SLC6A13: variants seen among roughly 807,000 people sequenced by gnomAD.
SLC6A13 encodes the protein solute carrier family 6 member 13, also known as sodium- and chloride-dependent GABA transporter 2.
A neutral mutation model predicts 72.9 loss-of-function variants in SLC6A13; 69 were observed. The observed-to-expected ratio is 0.95, with a 90% CI of 0.78 to 1.16. SLC6A13 has a LOEUF of 1.16. Among genes scored for constraint, SLC6A13 ranks in the 50% most tolerant of loss-of-function variants. SLC6A13 has a pLI of 0.00. For synonymous variants in SLC6A13, 303 were observed against 303.0 expected, an observed-to-expected ratio of 1.00 and a Z score of 0.00; for missense variants, 735 against 760.5, an observed-to-expected ratio of 0.97 and a Z score of 0.39.
At chr12:231,181 T>G (rs532403341) in intron 7 of SLC6A13, among the ~76,000 whole-genome samples, 3 of 152,122 alleles carry the variant, frequency 2.0e-5, no homozygotes, top group Non-Finnish European at 4.4e-5. Flanking sequence ...GCCCTGGGTC[T>G]CCAGTGGCCA....
intron 9 of SLC6A13, among the ~76,000 whole-genome samples, chr12:225,477 C>T (rs184296135): frequency 2.0e-5 from 3 of 152,298 alleles, no homozygotes; most frequent in Admixed American, 6.5e-5. Flanking sequence ...AGGTGAAACC[C>T]TGTCTCTACT....
chr12:255,439 T>C (rs1182499545), intron 2 of SLC6A13, among the ~76,000 whole-genome samples: 1 of 152,182 alleles, frequency 6.6e-6, no homozygotes, highest in African/African-American at 2.4e-5. Flanking sequence ...CTCATGCCTG[T>C]AATCCCAGCA....
chr12:238,031 G>A (rs1942004728), intron 4 of SLC6A13, 21 bp from the exon 5 acceptor site: 3 of 1,608,278 alleles, frequency 1.9e-6, no homozygotes, highest in African/African-American at 1.3e-5. Flanking sequence ...GTCACGAGGA[G>A]GGAAAAAAGA....
intron 9 of SLC6A13, among the ~76,000 whole-genome samples, chr12:225,757 C>A (rs534525132): frequency 2.0e-5 from 3 of 152,066 alleles, no homozygotes; most frequent in Admixed American, 6.5e-5. Flanking sequence ...GTGGCCCAGG[C>A]GTGCTTCTGA....
intron 7 of SLC6A13, among the ~76,000 whole-genome samples, chr12:233,119 T>C (rs746877942): frequency 1.2e-4 from 19 of 152,180 alleles, no homozygotes; most frequent in Non-Finnish European, 2.5e-4. Context: ...GCTTCTTTCA[T>C]AGACATGGAG....
intron 7 of SLC6A13, among the ~76,000 whole-genome samples, chr12:233,522 C>T (rs1336255416): frequency 6.6e-6 from 1 of 152,152 alleles, no homozygotes; most frequent in Non-Finnish European, 1.5e-5. Context: ...GGAAACTTAA[C>T]ACTAGCCCAG....
Position 238,365 on chromosome 12 carries a change from A to G in SLC6A13, c.479-355T>C, listed in dbSNP as rs551456318. 3.8e-6 allele frequency: 5 copies of G among 1,308,404 alleles called. No individual in the cohort carries two copies. In the African/African-American group the frequency reaches 7.5e-5, roughly 20 times the overall value. The allele number at this position is 1,308,404 out of a possible 1,614,324, so 81.0% of individuals were successfully genotyped here. A position where few individuals can be genotyped will look rare whatever the true frequency, so the allele number is the denominator to read the frequency against. On this transcript the variant is annotated intron_variant, in intron 4 of 14. Coordinates refer to ENST00000343164, the MANE Select transcript of SLC6A13 (RefSeq NM_016615.5). ...CCACCTTCGAGGAATAATAAGAGGGAAGTGATGTGTCAGAGTGGCCGAGAG... is the reference window on the plus strand; with the variant it reads ...CCACCTTCGAGGAATAATAAGAGGGGAGTGATGTGTCAGAGTGGCCGAGAG...
intron 8 of SLC6A13, 86 bp from the exon 9 acceptor site, chr12:226,600 C>A: frequency 6.7e-7 from 1 of 1,486,262 alleles, no homozygotes; most frequent in Non-Finnish European, 9.0e-7. Context: ...GGAGCACAGC[C>A]CCTCCTGGCG....
chr12:251,577 G>T (rs527762697), intron 2 of SLC6A13, among the ~76,000 whole-genome samples: 32 of 152,190 alleles, frequency 2.1e-4, no homozygotes, highest in African/African-American at 7.7e-4. Context: ...GATATCAAAA[G>T]TATGGTTTAT....
intron 7 of SLC6A13, among the ~76,000 whole-genome samples, chr12:232,028 A>T (rs1941728464): frequency 6.6e-6 from 1 of 152,208 alleles, no homozygotes; most frequent in Non-Finnish European, 1.5e-5. Flanking sequence ...CTAGGCCTTA[A>T]TGTCCTAATC....
intron 7 of SLC6A13, 31 bp downstream of exon 7, chr12:235,059 C>G (rs748678670): frequency 5.6e-6 from 9 of 1,613,734 alleles, no homozygotes; most frequent in Non-Finnish European, 6.8e-6. Flanking sequence ...CCCTGGGAGT[C>G]ACGTGAGGGC....
chr12:222,526 T>A lies in SLC6A13; in HGVS notation c.1515+6A>T, dbSNP rs372835944. The A allele has an allele frequency of 4.4e-5, 70 of 1,580,240 alleles. No homozygotes were observed. The African/African-American group carries it at 8.7e-4, about 20-fold the overall frequency. Reference sequence around the variant, plus strand: ...TCATCTGACTTTATCCCTGAAATGATCTTACTGTGCACACAGCTGGTGTGA... The same window carrying A: ...TCATCTGACTTTATCCCTGAAATGAACTTACTGTGCACACAGCTGGTGTGA... On this transcript the variant is annotated splice_donor_region_variant and intron_variant, in intron 13 of 14. Transcript: ENST00000343164.
In SLC6A13 at chr12:253,035, T is replaced by C. The variant is rs1310059917; in HGVS notation, c.202+6816A>G. On this transcript the variant is annotated intron_variant, in intron 2 of 14. Coordinates refer to ENST00000343164, the MANE Select transcript of SLC6A13 (RefSeq NM_016615.5). The stretch of plus-strand genomic sequence containing the variant: ...CTCTTCCCCTCCGCAGGTACCACCA[T>C]CAAAAGATGAAGTTAGTCCTGGGGA... Among the ~76,000 whole-genome samples, 6 of 152,140 alleles carry C rather than the reference T, an allele frequency of 3.9e-5. No individual in the cohort carries two copies. The South Asian group carries it at 8.3e-4, about 21-fold the overall frequency.
At chr12:243,452 C>G (rs925014777) in intron 3 of SLC6A13, among the ~76,000 whole-genome samples, 3 of 152,230 alleles carry the variant, frequency 2.0e-5, no homozygotes, top group Non-Finnish European at 4.4e-5. Context: ...GCTTTGCACT[C>G]TACTTACCTA....
At chr12:258,052 G>A (rs1942804441) in intron 2 of SLC6A13, among the ~76,000 whole-genome samples, 1 of 152,196 alleles carries the variant, frequency 6.6e-6, no homozygotes, top group Admixed American at 6.5e-5. Context: ...ATTCTCCAAA[G>A]GGAGGGTACT....
intron 11 of SLC6A13, chr12:223,674 T>C: frequency 2.7e-6 from 1 of 372,322 alleles, no homozygotes; most frequent in Non-Finnish European, 5.0e-6. Context: ...ACATAGAACT[T>C]GGTTCAGCTG....
chr12:223,537 G>C (rs1941309330), intron 11 of SLC6A13, among the ~76,000 whole-genome samples: 1 of 152,230 alleles, frequency 6.6e-6, no homozygotes, highest in Non-Finnish European at 1.5e-5. Context: ...ACTCTTTGGG[G>C]AAAGGATCAG....
chr12:223,235 C>G lies in SLC6A13; in HGVS notation c.1312-1G>C. On this transcript the variant is annotated splice_acceptor_variant, in intron 11 of 14. Transcript: ENST00000343164. LOFTEE classifies it high-confidence loss of function. Reference sequence around the variant, plus strand: ...AGAGCTGGAACACGTACATTCCGCCCTGCATGGGAGGAGATTATTTTAAAA... The same window carrying G: ...AGAGCTGGAACACGTACATTCCGCCGTGCATGGGAGGAGATTATTTTAAAA... 1 of 1,598,724 alleles carries G rather than the reference C, an allele frequency of 6.3e-7. No homozygotes were observed. Among genetic ancestry groups the G allele is most frequent in the Non-Finnish European group, 8.6e-7 (1 of 1,167,190 alleles).
intron 4 of SLC6A13, among the ~76,000 whole-genome samples, chr12:241,703 C>A (rs1156519680): frequency 2.0e-5 from 3 of 152,226 alleles, no homozygotes; most frequent in Non-Finnish European, 2.9e-5. Flanking sequence ...AGAACATTTT[C>A]ATCATTACAG....
Sources: gnomAD v4.1 joint callset for allele counts (sites outside exome capture counted in the v4.1 genomes callset) on GRCh38, gnomAD v4.1.1 for gene constraint, MANE v1.5 for transcripts, NCBI Gene and HGNC (gene_info 2026-07-23, HGNC 2026-07-21) for gene names.